CEP192: variants seen among roughly 807,000 people sequenced by gnomAD.
CEP192 encodes centrosomal protein of 192 kDa.
CEP192 carries 151 observed loss-of-function variants against 271.8 expected under a neutral mutation model. The ratio of observed to expected loss-of-function variants is 0.56; its 90% CI spans 0.49 to 0.64. CEP192 has a LOEUF of 0.64. CEP192 is among the 30% of genes least tolerant of loss of function. The probability of loss-of-function intolerance (pLI) is 0.00; values close to 1 mark genes in which losing one functional copy is unlikely to be tolerated. For missense variants in CEP192, 2,910 were observed against 3,020.5 expected, an observed-to-expected ratio of 0.96 and a Z score of 0.86; for synonymous variants, 995 against 1,076.5, an observed-to-expected ratio of 0.92 and a Z score of 1.48.
intron 39 of CEP192, 77 bp downstream of exon 39, chr18:13,103,665 G>C (rs1733462119): frequency 1.8e-6 from 2 of 1,125,898 alleles, no homozygotes; most frequent in Non-Finnish European, 2.7e-6. Context: ...CTGACTATGA[G>C]CATAGGTTGA....
chr18:13,072,243 C>T (rs939484741), intron 28 of CEP192, among the ~76,000 whole-genome samples: 3 of 152,200 alleles, frequency 2.0e-5, no homozygotes, highest in Non-Finnish European at 4.4e-5. Context: ...GTGTTTTTAT[C>T]AGTCAGGTGC....
At position 13,018,486 on chromosome 18, in the gene CEP192, GA is replaced by G; in HGVS notation, c.800del (p.Asn267ThrfsTer4). 1 of 1,521,066 alleles carries G rather than the reference GA, an allele frequency of 6.6e-7. No homozygotes were observed. The highest frequency in any genetic ancestry group is 8.9e-7 in the Non-Finnish European group (1 of 1,129,508). The allele number at this position is 1,521,066 out of a possible 1,614,324, so 94.2% of individuals were successfully genotyped here. On this transcript the variant is annotated frameshift_variant, in exon 8 of 45. Coordinates refer to ENST00000506447, the MANE Select transcript of CEP192 (RefSeq NM_032142.4). LOFTEE classifies it high-confidence loss of function. The stretch of plus-strand genomic sequence containing the variant: ...TAAGATATTCTTTCAACAGGCAAAT[GA>G]AAACGGTAGCTTAAACTGCAAGTTT... Reference protein sequence around the residue: ...LPTNGLRQANENGSLNCKFQS... With the variant: ...LPTNGLRQANXNGSLNCKFQS...
chr18:13,118,321 T>A (rs2040522876), intron 44 of CEP192, among the ~76,000 whole-genome samples: 1 of 152,334 alleles, frequency 6.6e-6, no homozygotes, highest in East Asian at 1.9e-4. Flanking sequence ...AGGAGACTAT[T>A]CCAGAAACGT....
intron 37 of CEP192, 147 bp from the exon 38 acceptor site, chr18:13,100,158 T>G: frequency 1.7e-5 from 11 of 646,482 alleles, no homozygotes; most frequent in Non-Finnish European, 2.1e-5. Flanking sequence ...AGATTTACCT[T>G]GAGATCTAAA....
At chr18:13,072,427 A>T (rs1327399343) in intron 28 of CEP192, among the ~76,000 whole-genome samples, 5 of 152,142 alleles carry the variant, frequency 3.3e-5, no homozygotes, top group African/African-American at 4.8e-5. Flanking sequence ...TGACTTAATG[A>T]CTCGATGAAT....
At chr18:13,004,007 TC>T (rs1344443214) in intron 3 of CEP192, among the ~76,000 whole-genome samples, 1 of 152,048 alleles carries the variant, frequency 6.6e-6, no homozygotes, top group Non-Finnish European at 1.5e-5. Flanking sequence ...AAAACAAGCA[TC>T]CTGGAAGCCA....
At chr18:13,098,631 G>C (rs2039542988) in intron 36 of CEP192, among the ~76,000 whole-genome samples, 1 of 151,960 alleles carries the variant, frequency 6.6e-6, no homozygotes, top group Non-Finnish European at 1.5e-5. Context: ...TGGCGGCCGG[G>C]AAGAGGCGCT....
At chr18:13,013,799 AT>A (rs528138507) in intron 5 of CEP192, among the ~76,000 whole-genome samples, 3 of 152,386 alleles carry the variant, frequency 2.0e-5, no homozygotes, top group Non-Finnish European at 4.4e-5. Flanking sequence ...CTTACAAAAT[AT>A]AAACTAAACA....
chr18:13,020,519 G>A (rs2034929336), intron 9 of CEP192, among the ~76,000 whole-genome samples: 1 of 152,156 alleles, frequency 6.6e-6, no homozygotes, highest in South Asian at 2.1e-4. Context: ...GCTTTTGAGT[G>A]TAATGCTGCC....
intron 28 of CEP192, among the ~76,000 whole-genome samples, chr18:13,071,689 G>A (rs2038021747): frequency 6.6e-6 from 1 of 152,072 alleles, no homozygotes; most frequent in Non-Finnish European, 1.5e-5. Flanking sequence ...CTTAGGAAAT[G>A]GGAGGTAGTA....
Position 13,059,160 on chromosome 18 carries a change from G to A in CEP192, c.4336G>A (p.Val1446Met), listed in dbSNP as rs1307546893. 4.3e-6 allele frequency: 7 copies of A among 1,613,860 alleles called. No individual in the cohort carries two copies. In the Admixed American group the frequency reaches 1.2e-4, roughly 27 times the overall value. ...ACCTCATGCCACAGAAGAGATAAAA[G>A]TGCTTTTTATACCATCCAGTCCTGG... ...IRPHATEEIK[V>M]LFIPSSPGVF... is the part of the protein sequence containing the mutation. The change falls in exon 21 of 45, where the codon GTG (valine) becomes ATG (methionine). Residue 1446 changes from valine (V) to methionine (M), a missense_variant. Transcript: ENST00000506447.
rs2039422668 is a variant in CEP192 at position 13,096,793 on chromosome 18, C to T, written c.6557+486C>T. 2.0e-5 allele frequency among the ~76,000 whole-genome samples: 3 copies of T among 152,248 alleles called. No individual in the cohort carries two copies. The South Asian group carries it at 6.2e-4, about 32-fold the overall frequency. Reference sequence around the variant, plus strand: ...TTAGTATGTATGAGCCATAACCTTGCTTACTGTTTTCTATGTAGAATATTC... The same window carrying T: ...TTAGTATGTATGAGCCATAACCTTGTTTACTGTTTTCTATGTAGAATATTC... On this transcript the variant is annotated intron_variant, in intron 36 of 44. Transcript: ENST00000506447.
intron 9 of CEP192, among the ~76,000 whole-genome samples, chr18:13,029,289 T>C (rs868777371): frequency 1.3e-5 from 2 of 152,268 alleles, no homozygotes; most frequent in Non-Finnish European, 2.9e-5. Flanking sequence ...TTTATCCATA[T>C]TAATTTTATG....
At chr18:13,076,904 G>A (rs953343865) in intron 30 of CEP192, among the ~76,000 whole-genome samples, 3 of 151,834 alleles carry the variant, frequency 2.0e-5, no homozygotes, top group East Asian at 1.9e-4. Context: ...CTGCCTCAGC[G>A]TCTCGAGTAG....
At chr18:13,059,703 G>T (rs1183105621) in intron 21 of CEP192, among the ~76,000 whole-genome samples, 1 of 152,150 alleles carries the variant, frequency 6.6e-6, no homozygotes, top group Admixed American at 6.5e-5. Flanking sequence ...AAAGAAATTA[G>T]GTCTGGCCAA....
At chr18:13,018,257 A>G (rs1282524318) in intron 7 of CEP192, among the ~76,000 whole-genome samples, 1 of 152,180 alleles carries the variant, frequency 6.6e-6, no homozygotes. Flanking sequence ...GGGATGAGAT[A>G]TCAGCCCTTT....
chr18:13,042,366 A>G (rs768993472), intron 15 of CEP192, 32 bp downstream of exon 15: 3 of 1,611,244 alleles, frequency 1.9e-6, no homozygotes, highest in Non-Finnish European at 1.7e-6. Context: ...GAAATCTAAG[A>G]TTATCTTGTT....
At chr18:12,995,004 A>G (rs1391697999) in intron 1 of CEP192, among the ~76,000 whole-genome samples, 1 of 151,850 alleles carries the variant, frequency 6.6e-6, no homozygotes, top group Non-Finnish European at 1.5e-5. Context: ...ATGCAAATGA[A>G]AAATCAGGGC....
Position 13,056,534 on chromosome 18 carries a change from G to C in CEP192, c.3944G>C (p.Gly1315Ala). ...TCTGTGGCTGTGGGAATTTGTCTAG[G>C]ATCAAATATCGGCTCTGGATGGATG... ...QNSVAVGICL[G>A]SNIGSGWMGT... The change falls in exon 19 of 45, where the codon GGA becomes GCA. Residue 1315 changes from glycine to alanine, a missense_variant. Gly to Ala is a moderately conservative substitution (Grantham distance 60). Coordinates refer to ENST00000506447, the MANE Select transcript of CEP192 (RefSeq NM_032142.4). 6.2e-7 allele frequency: 1 copy of C among 1,614,142 alleles called. No individual in the cohort carries two copies.
Sources: gnomAD v4.1 joint callset for allele counts (sites outside exome capture counted in the v4.1 genomes callset) on GRCh38, gnomAD v4.1.1 for gene constraint, MANE v1.5 for transcripts, NCBI Gene and HGNC (gene_info 2026-07-23, HGNC 2026-07-21) for gene names.